ZC4H2: variants seen among roughly 807,000 people sequenced by gnomAD.
The protein encoded by ZC4H2 is zinc finger C4H2-type containing, also known as zinc finger C4H2 domain-containing protein.
For synonymous variants in ZC4H2, 84 were observed against 66.3 expected (o/e 1.27, Z -1.30); for missense variants, 137 against 173.9 (o/e 0.79, Z 1.19).
chrX:65,003,139 A>C (rs998274981), intron 1 of ZC4H2, among the ~76,000 whole-genome samples: 13 of 108,882 alleles, frequency 1.2e-4, no homozygotes, highest in Admixed American at 7.7e-4. Flanking sequence ...AAAAAAAAAA[A>C]CTGCAAAACT....
intron 1 of ZC4H2, among the ~76,000 whole-genome samples, chrX:65,003,037 C>A: frequency 9.5e-6 from 1 of 105,317 alleles, no homozygotes. Context: ...CTGCGAGAAA[C>A]ACCCAAGAAT....
chrX:65,006,633 C>G (rs1932665895), intron 1 of ZC4H2, among the ~76,000 whole-genome samples: 1 of 110,894 alleles, frequency 9.0e-6, no homozygotes, highest in Admixed American at 9.6e-5. Context: ...GGGTGCAGCA[C>G]ACCAACATGG....
chrX:64,943,022 T>A (rs1296965039), intron 1 of ZC4H2, among the ~76,000 whole-genome samples: 1 of 112,303 alleles, frequency 8.9e-6, no homozygotes, highest in Non-Finnish European at 1.9e-5. Flanking sequence ...ATCACCATTC[T>A]AAGTGGTGTG....
At chrX:65,033,581 T>C (rs1346024105) in intron 1 of ZC4H2, among the ~76,000 whole-genome samples, 1 of 111,690 alleles carries the variant, frequency 9.0e-6, no homozygotes, top group East Asian at 2.8e-4. Flanking sequence ...ACTTTGAATG[T>C]TAAGCTAGGG....
chrX:65,012,224 C>CAAAAAAAAAAAAAAAA (rs10606871), intron 1 of ZC4H2, among the ~76,000 whole-genome samples: 9 of 25,227 alleles, frequency 3.6e-4, no homozygotes, highest in Non-Finnish European at 5.7e-4. Flanking sequence ...GACCCCGTCT[C>CAAAAAAAAAAAAAAAA]AAAAAAAAAA....
intron 1 of ZC4H2, among the ~76,000 whole-genome samples, chrX:64,946,177 C>T (rs1357474896): frequency 1.8e-5 from 2 of 111,620 alleles, no homozygotes; most frequent in Non-Finnish European, 3.8e-5. Flanking sequence ...AAACCTCCTC[C>T]AGCTAGCTCA....
In ZC4H2 at chrX:65,009,618, C is replaced by G. The variant is rs1404803032; in HGVS notation, c.-272+25011G>C. ...GTATAATAAAGGTAATGTTTCCCTG[C>G]AAAGCAAAAGTCAGGCAGGTTTGTT... On this transcript the variant is annotated intron_variant, in intron 1 of 4. Coordinates refer to the ZC4H2 transcript ENST00000337990. 3.6e-5 allele frequency among the ~76,000 whole-genome samples: 4 copies of G among 111,860 alleles called. No homozygotes were observed. The East Asian group carries it at 1.1e-3, about 31-fold the overall frequency.
At chrX:64,965,949 C>CAAAAAAA (rs148777993) in intron 1 of ZC4H2, among the ~76,000 whole-genome samples, 7 of 37,552 alleles carry the variant, frequency 1.9e-4, no homozygotes, top group African/African-American at 3.0e-4. Context: ...AACAAAGAAG[C>CAAAAAAA]AAAAAAAAAA....
intron 1 of ZC4H2, among the ~76,000 whole-genome samples, chrX:64,986,533 T>C (rs1932189042): frequency 1.8e-5 from 2 of 111,760 alleles, no homozygotes; most frequent in Non-Finnish European, 3.8e-5. Flanking sequence ...CAGTGGAGTA[T>C]GACGTAAATT....
intron 1 of ZC4H2, among the ~76,000 whole-genome samples, chrX:65,033,485 A>G (rs1447500474): frequency 8.9e-6 from 1 of 111,946 alleles, no homozygotes; most frequent in African/African-American, 3.3e-5. Flanking sequence ...TGTGTCTCAG[A>G]AAAGGTAAAA....
chrX:64,988,686 C>G (rs376241847), intron 1 of ZC4H2, among the ~76,000 whole-genome samples: 1 of 110,852 alleles, frequency 9.0e-6, no homozygotes, highest in African/African-American at 3.3e-5. Context: ...TGTTCACTCT[C>G]ATGGTAGTTT....
At chrX:64,939,011 G>A (rs915439901) in intron 1 of ZC4H2, among the ~76,000 whole-genome samples, 1 of 111,940 alleles carries the variant, frequency 8.9e-6, no homozygotes, top group African/African-American at 3.3e-5. Flanking sequence ...TCTATTTGCA[G>A]ATGACATGAT....
chrX:65,025,135 T>C lies in ZC4H2; in HGVS notation c.-272+9494A>G, dbSNP rs1932867098. ...CCAAATCCATGGTTTTTTTGTTGGT[T>C]TGTTTTTTGCTTTTTTTTTTTTTTT... On this transcript the variant is annotated intron_variant, in intron 1 of 4. Coordinates refer to the ZC4H2 transcript ENST00000337990. 2.8e-5 allele frequency among the ~76,000 whole-genome samples: 3 copies of C among 107,820 alleles called. No individual in the cohort carries two copies. In the South Asian group the frequency reaches 1.2e-3, roughly 42 times the overall value. The allele number at this position is 107,820 out of a possible 115,157, so 93.6% of individuals were successfully genotyped here. A position where few individuals can be genotyped will look rare whatever the true frequency, so the allele number is the denominator to read the frequency against.
At position 64,921,934 on chromosome X, in the gene ZC4H2, C is replaced by T. The variant is rs1377849462; in HGVS notation, c.108G>A (p.Glu36=). ...GGTGCCTTTCCTCTGACTCAAGTGCCTCAAACTCAGCCTTCAAACGAGCCT... is the reference window on the plus strand; with the variant it reads ...GGTGCCTTTCCTCTGACTCAAGTGCTTCAAACTCAGCCTTCAAACGAGCCT... ...KIKARLKAEF[E]ALESEERHLK... Residue 36 remains glutamate (E), a synonymous_variant, in exon 2 of 5, where the codon GAG becomes GAA. Transcript: ENST00000374839. 1.7e-6 allele frequency: 2 copies of T among 1,208,446 alleles called. No individual in the cohort carries two copies. The highest frequency in any genetic ancestry group is 2.2e-5 in the Admixed American group (1 of 45,385).
chrX:64,949,836 T>C (rs1352780335), intron 1 of ZC4H2, among the ~76,000 whole-genome samples: 1 of 111,715 alleles, frequency 9.0e-6, no homozygotes, highest in Non-Finnish European at 1.9e-5. Flanking sequence ...GTTTTTTGTG[T>C]CTCTATCTCC....
intron 1 of ZC4H2, among the ~76,000 whole-genome samples, chrX:65,016,230 C>T (rs1932796444): frequency 9.0e-6 from 1 of 111,282 alleles, no homozygotes; most frequent in Non-Finnish European, 1.9e-5. Context: ...CAGCTTCCTT[C>T]AAGTCAGGGT....
At chrX:64,998,620 G>T (rs1421285086) in intron 1 of ZC4H2, among the ~76,000 whole-genome samples, 2 of 111,420 alleles carry the variant, frequency 1.8e-5, no homozygotes, top group African/African-American at 6.5e-5. Context: ...TTCTGCACAT[G>T]TTAGATCTAG....
At chrX:64,947,457 A>G (rs1455794376) in intron 1 of ZC4H2, among the ~76,000 whole-genome samples, 1 of 112,550 alleles carries the variant, frequency 8.9e-6, no homozygotes, top group Non-Finnish European at 1.9e-5. Flanking sequence ...CTGTATACCT[A>G]GGCTAAACTA....
chrX:64,951,023 T>A (rs1345668030), intron 1 of ZC4H2, among the ~76,000 whole-genome samples: 1 of 110,812 alleles, frequency 9.0e-6, no homozygotes, highest in African/African-American at 3.3e-5. Flanking sequence ...GTTCTCATTG[T>A]TCAATTCCCA....
Sources: allele counts gnomAD v4.1 joint callset (sites outside exome capture counted in the v4.1 genomes callset), GRCh38; gene constraint gnomAD v4.1.1; transcripts MANE v1.5; gene names NCBI Gene and HGNC (gene_info 2026-07-23, HGNC 2026-07-21).